INKA2: variants seen among roughly 807,000 people sequenced by gnomAD.
INKA2 encodes the protein PAK4-inhibitor INKA2.
In INKA2, 3 loss-of-function variants were observed where a neutral mutation model predicts 9.8. The ratio of observed to expected loss-of-function variants is 0.31; its 90% confidence interval spans 0.14 to 0.79. INKA2 has a LOEUF of 0.79. Among genes scored for constraint, INKA2 ranks in the 30% least tolerant of loss-of-function variants. INKA2 has a pLI of 0.62. For synonymous variants in INKA2, 147 were observed against 143.3 expected (o/e 1.03, Z -0.18); for missense variants, 392 against 384.4 (o/e 1.02, Z -0.17).
At chr1:111,748,500 A>G (rs1663322907) in intron 1 of INKA2, among the ~76,000 whole-genome samples, 1 of 152,234 alleles carries the variant, frequency 6.6e-6, no homozygotes, top group Admixed American at 6.5e-5. Context: ...ACTGGGAGGC[A>G]GCAGTTTGCT....
At position 111,739,221 on chromosome 1, in the gene INKA2, T is replaced by A; in HGVS notation, c.22A>T (p.Met8Leu). Residue 8 changes from methionine to leucine, a missense_variant, in exon 1 of 2, where the codon ATG becomes TTG. By Grantham distance (15) the Met-to-Leu change is conservative. Coordinates refer to ENST00000357260, the MANE Select transcript of INKA2 (RefSeq NM_019099.5). MTMESRE[M>L]DCYLRRLKQE... ...TTGAGGCGACGGAGATAGCAGTCCA[T>A]TTCCCTGCTCTCCATCGTCATGCGC... 6.2e-7 allele frequency: 1 copy of A among 1,613,658 alleles called. No individual in the cohort carries two copies. Among genetic ancestry groups the A allele is most frequent in the Non-Finnish European group, 8.5e-7 (1 of 1,179,720 alleles).
chr1:111,734,283 C>T (rs17503418), intron 1 of INKA2, among the ~76,000 whole-genome samples: 5,159 of 152,286 alleles, frequency 0.034, 124 homozygotes, highest in East Asian at 0.079. Context: ...TGCCTCTTCC[C>T]GGAGATTGCC....
In INKA2 at chr1:111,727,304, C is replaced by A. The variant is rs575931370; in HGVS notation, c.558G>T (p.Gly186=). Residue 186 remains glycine, a synonymous_variant, in exon 2 of 2, where the codon GGG becomes GGT. Coordinates refer to ENST00000357260, the MANE Select transcript of INKA2 (RefSeq NM_019099.5). ...CTTTCTCTCCTTTGGGTTCACGTGC[C>A]CCCCCAGTCTCACCCTTCTCCCCAC... ...EKGGEKGETG[G]AREPKGEKGQ... The A allele has an allele frequency of 2.5e-6, 4 of 1,614,024 alleles. No individual in the cohort carries two copies. In the Admixed American group the frequency reaches 5.0e-5, roughly 20 times the overall value.
At chr1:111,732,735 C>G (rs1204801034) in intron 1 of INKA2, among the ~76,000 whole-genome samples, 4 of 151,888 alleles carry the variant, frequency 2.6e-5, no homozygotes, top group Non-Finnish European at 5.9e-5. Context: ...CCCCACAGTC[C>G]CTCTCCCACC....
At chr1:111,736,660 C>T (rs1296041391) in intron 1 of INKA2, among the ~76,000 whole-genome samples, 2 of 152,240 alleles carry the variant, frequency 1.3e-5, no homozygotes, top group Non-Finnish European at 2.9e-5. Flanking sequence ...CCAGGCAACA[C>T]AATGTCTTCC....
In INKA2 at chr1:111,725,347, ATT is replaced by A. The variant is rs1334514298; in HGVS notation, c.*1619_*1620del. ...TTGGTCAGCCCAAAAGAAGATCCAC[ATT>A]GTCTTTTCCCAGCCAGTGAGTGTTC... On this transcript the variant is annotated 3_prime_UTR_variant, in exon 2 of 2. Transcript: ENST00000357260. The A allele has an allele frequency of 6.6e-6, 1 of 152,094 alleles. No individual in the cohort carries two copies. The highest frequency in any genetic ancestry group is 2.4e-5 in the African/African-American group (1 of 41,402). 9.4% of individuals were successfully genotyped at this position (152,094 alleles called of 1,614,324 possible).
chr1:111,744,963 G>A (rs954113769), intron 1 of INKA2, among the ~76,000 whole-genome samples: 1 of 152,012 alleles, frequency 6.6e-6, no homozygotes, highest in African/African-American at 2.4e-5. Context: ...ACTGAAGGAA[G>A]GTGATAGAAG....
At chr1:111,738,818 C>A (rs1663067209) in intron 1 of INKA2, among the ~76,000 whole-genome samples, 2 of 152,068 alleles carry the variant, frequency 1.3e-5, no homozygotes. Flanking sequence ...GCTCCCCAGG[C>A]CTTCGCTCTC....
At position 111,739,327 on chromosome 1, in the gene INKA2, C is replaced by T; in HGVS notation, c.-85G>A. 1 of 1,582,486 alleles carries T rather than the reference C, an allele frequency of 6.3e-7. No homozygotes were observed. The highest frequency in any genetic ancestry group is 2.3e-5 in the East Asian group (1 of 42,612). On this transcript the variant is annotated 5_prime_UTR_variant, in exon 1 of 2. Transcript: ENST00000357260. ...TGGAAACTGCGCTCCGGGCCGGCTCCCCGCCCCTGCGCCCGTAGCGCTCGC... is the reference window on the plus strand; with the variant it reads ...TGGAAACTGCGCTCCGGGCCGGCTCTCCGCCCCTGCGCCCGTAGCGCTCGC...
At position 111,722,937 on chromosome 1, in the gene INKA2, T is replaced by C. The variant is rs1005224874; in HGVS notation, c.*4031A>G. The C allele has an allele frequency of 4.8e-6, 3 of 623,318 alleles. No homozygotes were observed. Among genetic ancestry groups the C allele is most frequent in the Middle Eastern group, 2.5e-4 (1 of 3,982 alleles). 38.6% of individuals were successfully genotyped at this position (623,318 alleles called of 1,614,324 possible). On this transcript the variant is annotated 3_prime_UTR_variant, in exon 2 of 2. Coordinates refer to ENST00000357260, the MANE Select transcript of INKA2 (RefSeq NM_019099.5). ...CAGTGCTTGGACCGTAGGTGCATTA[T>C]GTCCTTTAAATCTCACAGCAGCCCC... is the stretch of plus-strand genomic sequence containing the variant.
chr1:111,739,699 G>C (rs1663100048), upstream of INKA2: 1 of 170,792 alleles, frequency 5.9e-6, no homozygotes, highest in South Asian at 1.3e-4. Flanking sequence ...ACAGTTTTAC[G>C]GGGAGGGACT....
Position 111,727,549 on chromosome 1 carries a change from A to C in INKA2, c.313T>G (p.Phe105Val). 1 of 1,613,736 alleles carries C rather than the reference A, an allele frequency of 6.2e-7. No homozygotes were observed. The change falls in exon 2 of 2, where the codon TTT becomes GTT. Residue 105 changes from phenylalanine (F) to valine (V), a missense_variant. By Grantham distance (50) the Phe-to-Val change is conservative. Transcript: ENST00000357260. ...SQPSLGSSTKFPSHRSVCGRD... is the reference protein window; with the variant it reads ...SQPSLGSSTKVPSHRSVCGRD... ...CCACAGACACTCCTATGGGATGGAA[A>C]CTTGGTGCTGCTGCCAAGAGAAGGT...
At chr1:111,745,208 TTTAC>T (rs1330914640) in intron 1 of INKA2, 1 of 141,076 alleles carries the variant, frequency 7.1e-6, no homozygotes, top group African/African-American at 2.7e-5. Flanking sequence ...TTTGCAAACA[TTTAC>T]TGGAAAGGCA....
At chr1:111,749,044 A>G (rs1407255562) in intron 1 of INKA2, among the ~76,000 whole-genome samples, 3 of 152,202 alleles carry the variant, frequency 2.0e-5, no homozygotes, top group Non-Finnish European at 4.4e-5. Flanking sequence ...GGGAATAGAA[A>G]ATGTGAGCGA....
At chr1:111,734,514 A>T (rs1662973573) in intron 1 of INKA2, among the ~76,000 whole-genome samples, 1 of 151,694 alleles carries the variant, frequency 6.6e-6, no homozygotes, top group Non-Finnish European at 1.5e-5. Flanking sequence ...CCTCTACCCC[A>T]TATCACCTTC....
Position 111,727,062 on chromosome 1 carries a change from TC to T in INKA2, c.799del (p.Glu267SerfsTer34). ...GGGGGGATTCTCCCCTCGCCTGTGC[TC>T]CCCGGTGCCTGGGAAGGGGAAATGT... ...SGHFPFPGTGEHRRGENPPTS... is the reference protein window; with the variant it reads ...SGHFPFPGTGXHRRGENPPTS... On this transcript the variant is annotated frameshift_variant, in exon 2 of 2. Transcript: ENST00000357260. LOFTEE classifies it high-confidence loss of function. 1 of 1,614,022 alleles carries T rather than the reference TC, an allele frequency of 6.2e-7. No homozygotes were observed. The highest frequency in any genetic ancestry group is 1.1e-5 in the South Asian group (1 of 91,074).
chr1:111,732,730 C>T (rs1252224965), intron 1 of INKA2, among the ~76,000 whole-genome samples: 3 of 152,054 alleles, frequency 2.0e-5, no homozygotes, highest in African/African-American at 4.8e-5. Flanking sequence ...TACCACCCCA[C>T]AGTCCCTCTC....
chr1:111,755,578 G>T (rs1571607196), intron 1 of INKA2: 1 of 1,138,628 alleles, frequency 8.8e-7, no homozygotes, highest in East Asian at 2.7e-5. Flanking sequence ...ACAAAGAACG[G>T]CGAGAGGGCG....
At chr1:111,732,207 G>A (rs557902815) in intron 1 of INKA2, among the ~76,000 whole-genome samples, 1 of 152,314 alleles carries the variant, frequency 6.6e-6, no homozygotes, top group South Asian at 2.1e-4. Context: ...AGAGTCAGAG[G>A]CCGAGCTTGG....
Sources: allele counts gnomAD v4.1 joint callset (sites outside exome capture counted in the v4.1 genomes callset), GRCh38; gene constraint gnomAD v4.1.1; transcripts MANE v1.5; gene names NCBI Gene and HGNC (gene_info 2026-07-23, HGNC 2026-07-21).